MBD5: variants seen among roughly 807,000 people sequenced by gnomAD.
The protein encoded by MBD5 is methyl-CpG binding domain protein 5, also known as methyl-CpG-binding domain protein 5.
A neutral mutation model predicts 117.3 loss-of-function variants in MBD5; 13 were observed. The observed-to-expected ratio is 0.11, with a 90% CI of 0.07 to 0.18. The LOEUF (loss-of-function observed/expected upper bound fraction) is 0.18. MBD5 is among the 10% of genes least tolerant of loss of function. The probability of loss-of-function intolerance (pLI) is 1.00; values close to 1 mark genes in which losing one functional copy is unlikely to be tolerated. For missense variants in MBD5, 1,879 were observed against 2,093.8 expected, an observed-to-expected ratio of 0.90 and a Z score of 2.00; for synonymous variants, 727 against 766.4, an observed-to-expected ratio of 0.95 and a Z score of 0.85.
intron 4 of MBD5, among the ~76,000 whole-genome samples, chr2:148,369,425 A>C (rs1703792926): frequency 6.6e-6 from 1 of 152,132 alleles, no homozygotes; most frequent in Non-Finnish European, 1.5e-5. Context: ...TATGCAAGAG[A>C]ATATCCCTGT....
At position 148,458,602 on chromosome 2, in the gene MBD5, C is replaced by G; in HGVS notation, c.-157C>G. 1.2e-5 allele frequency: 8 copies of G among 671,256 alleles called. No homozygotes were observed. The highest frequency in any genetic ancestry group is 3.9e-4 in the Middle Eastern group (1 of 2,572). The allele number at this position is 671,256 out of a possible 1,614,324, so 41.6% of individuals were successfully genotyped here. A position where few individuals can be genotyped will look rare whatever the true frequency, so the allele number is the denominator to read the frequency against. On this transcript the variant is annotated 5_prime_UTR_variant, in exon 5 of 14. Transcript: ENST00000642680. ...TTTTCACAATGGCATATTTCAAGGA[C>G]TTGGTTCCAAACTGAGCTGAAGCTT...
At chr2:148,139,694 TTTC>T (rs1697265451) in intron 1 of MBD5, among the ~76,000 whole-genome samples, 1 of 152,114 alleles carries the variant, frequency 6.6e-6, no homozygotes. Context: ...TTCTTGTACC[TTTC>T]TTCCCAGGAT....
chr2:148,178,901 A>G lies in MBD5; in HGVS notation c.-831+108A>G, dbSNP rs538459122. Reference sequence around the variant, plus strand: ...TTACTTTTTATCACTGCTCCTGTCTAAGTTACCTCACAACTGCATTCATTC... The same window carrying G: ...TTACTTTTTATCACTGCTCCTGTCTGAGTTACCTCACAACTGCATTCATTC... On this transcript the variant is annotated intron_variant, in intron 2 of 13. Transcript: ENST00000642680. 93 of 392,190 alleles carry G rather than the reference A, an allele frequency of 2.4e-4. No individual in the cohort carries two copies. In the Middle Eastern group the frequency reaches 3.9e-3, roughly 16 times the overall value. The allele number at this position is 392,190 out of a possible 1,614,324, so 24.3% of individuals were successfully genotyped here. A position where few individuals can be genotyped will look rare whatever the true frequency, so the allele number is the denominator to read the frequency against.
chr2:148,390,766 T>A lies in MBD5; in HGVS notation c.-557+48430T>A, dbSNP rs569802842. Among the ~76,000 whole-genome samples the A allele has an allele frequency of 3.9e-5, 6 of 152,008 alleles. No individual in the cohort carries two copies. In the South Asian group the frequency reaches 6.2e-4, roughly 16 times the overall value. On this transcript the variant is annotated intron_variant, in intron 4 of 13. Coordinates refer to ENST00000642680, the MANE Select transcript of MBD5 (RefSeq NM_001378120.1). The stretch of plus-strand genomic sequence containing the variant: ...TTTTTGTAGAGATGGAGTTTCACCA[T>A]GTTGCCCTGGTCTCGAACTCCTGGG...
At chr2:148,337,861 A>G (rs1006196595) in intron 3 of MBD5, among the ~76,000 whole-genome samples, 3 of 152,174 alleles carry the variant, frequency 2.0e-5, no homozygotes, top group African/African-American at 4.8e-5. Context: ...TGAAGGCTGC[A>G]TAAAGCAGCC....
chr2:148,123,803 T>C (rs1046161282), intron 1 of MBD5, among the ~76,000 whole-genome samples: 2 of 152,044 alleles, frequency 1.3e-5, no homozygotes, highest in South Asian at 2.1e-4. Flanking sequence ...ATATGTAAAA[T>C]TGAGCAGAAG....
chr2:148,052,206 G>GTTTTTTTTTTTTTTTTT (rs70992189), intron 1 of MBD5, among the ~76,000 whole-genome samples: 5 of 83,742 alleles, frequency 6.0e-5, no homozygotes, highest in Non-Finnish European at 8.8e-5. Flanking sequence ...CTGTTATTGA[G>GTTTTTTTTTTTTTTTTT]TTTTTTTTTT....
chr2:148,478,336 G>A (rs1483859143), intron 8 of MBD5, among the ~76,000 whole-genome samples: 1 of 152,138 alleles, frequency 6.6e-6, no homozygotes, highest in African/African-American at 2.4e-5. Context: ...TGAAATCCCA[G>A]CACTTTGGGA....
intron 1 of MBD5, among the ~76,000 whole-genome samples, chr2:148,104,543 G>A (rs1030161176): frequency 1.3e-5 from 2 of 152,120 alleles, no homozygotes; most frequent in Non-Finnish European, 2.9e-5. Flanking sequence ...AACTTTGTCA[G>A]TAATGTTTTA....
At chr2:148,090,148 ACT>A (rs1446566616) in intron 1 of MBD5, among the ~76,000 whole-genome samples, 1 of 152,050 alleles carries the variant, frequency 6.6e-6, no homozygotes, top group Non-Finnish European at 1.5e-5. Context: ...AGAAGTAGAA[ACT>A]CTGAACAGAA....
intron 4 of MBD5, among the ~76,000 whole-genome samples, chr2:148,358,831 C>A (rs1428865412): frequency 6.6e-6 from 1 of 151,980 alleles, no homozygotes; most frequent in Non-Finnish European, 1.5e-5. Flanking sequence ...TTCTCCAGGG[C>A]AAAATTGAAG....
intron 4 of MBD5, among the ~76,000 whole-genome samples, chr2:148,426,219 A>G (rs934711974): frequency 2.0e-5 from 3 of 152,244 alleles, no homozygotes; most frequent in African/African-American, 7.2e-5. Context: ...GAAAATGGCC[A>G]TACTGCCCAA....
intron 3 of MBD5, among the ~76,000 whole-genome samples, chr2:148,311,724 A>G (rs1466978644): frequency 6.6e-6 from 1 of 152,112 alleles, no homozygotes; most frequent in Non-Finnish European, 1.5e-5. Context: ...CTGTTAGTTG[A>G]TGCAGTTTCT....
chr2:148,391,916 T>C (rs975324947), intron 4 of MBD5, among the ~76,000 whole-genome samples: 2 of 152,214 alleles, frequency 1.3e-5, no homozygotes, highest in African/African-American at 4.8e-5. Flanking sequence ...TTGACCCTTA[T>C]ATGTGTGCAC....
At chr2:148,378,351 AC>A (rs1704047062) in intron 4 of MBD5, among the ~76,000 whole-genome samples, 1 of 152,124 alleles carries the variant, frequency 6.6e-6, no homozygotes, top group African/African-American at 2.4e-5. Context: ...AAAATTGCTA[AC>A]CTGCTTTAAG....
At position 148,458,473 on chromosome 2, in the gene MBD5, A is replaced by G. The variant is rs574249341; in HGVS notation, c.-286A>G. ...TTCAGACAGGTACCAGCATTGGTGA[A>G]TTATGATTTTCCTTAGTCAGAAGCA... is the stretch of plus-strand genomic sequence containing the variant. On this transcript the variant is annotated 5_prime_UTR_variant, in exon 5 of 14. Coordinates refer to ENST00000642680, the MANE Select transcript of MBD5 (RefSeq NM_001378120.1). 1.0e-5 allele frequency: 6 copies of G among 580,596 alleles called. No individual in the cohort carries two copies. The East Asian group carries it at 1.7e-4, about 16-fold the overall frequency. 36.0% of individuals were successfully genotyped at this position (580,596 alleles called of 1,614,324 possible).
At chr2:148,280,151 C>CAAAAAAAAAAAAAAAAAAAAA (rs1474298212) in intron 3 of MBD5, among the ~76,000 whole-genome samples, 1 of 92,608 alleles carries the variant, frequency 1.1e-5, no homozygotes, top group Admixed American at 1.1e-4. Flanking sequence ...AAAAAAAAAA[C>CAAAAAAAAAAAAAAAAAAAAA]AAAAAGAAAA....
chr2:148,132,669 C>T (rs1697078383), intron 1 of MBD5, among the ~76,000 whole-genome samples: 1 of 152,066 alleles, frequency 6.6e-6, no homozygotes, highest in Non-Finnish European at 1.5e-5. Flanking sequence ...GAAACTTATG[C>T]AGGAGTGAAA....
intron 4 of MBD5, among the ~76,000 whole-genome samples, chr2:148,417,288 C>CTTTTT (rs745409695): frequency 9.8e-5 from 9 of 91,798 alleles, no homozygotes; most frequent in African/African-American, 1.3e-4. Flanking sequence ...ATGCACAGCT[C>CTTTTT]TTTTTTTTTT....
Sources: allele counts gnomAD v4.1 joint callset (sites outside exome capture counted in the v4.1 genomes callset), GRCh38; gene constraint gnomAD v4.1.1; transcripts MANE v1.5; gene names NCBI Gene and HGNC (gene_info 2026-07-23, HGNC 2026-07-21).